The following SLC12A5 variants were observed in gnomAD, a reference collection of about 807,000 sequenced individuals.
SLC12A5 encodes the protein K-Cl cotransporter 2.
A neutral mutation model predicts 124.0 loss-of-function variants in SLC12A5; 18 were observed. The ratio of observed to expected loss-of-function variants is 0.15; its 90% CI spans 0.10 to 0.22. SLC12A5 has a LOEUF of 0.22. SLC12A5 is among the 10% of genes least tolerant of loss of function. The probability of loss-of-function intolerance (pLI) is 1.00; values close to 1 mark genes in which losing one functional copy is unlikely to be tolerated. For synonymous variants in SLC12A5, 589 were observed against 568.0 expected (o/e 1.04, Z -0.53); for missense variants, 867 against 1,478.7 (o/e 0.59, Z 6.78).
In SLC12A5 at chr20:46,045,828, G is replaced by A; in HGVS notation, c.1570-50G>A. On this transcript the variant is annotated intron_variant, in intron 12 of 25. Coordinates refer to ENST00000243964, the MANE Select transcript of SLC12A5 (RefSeq NM_020708.5). The surrounding 1 kb of genome is among the most constrained non-coding windows in gnomAD (Gnocchi z 4.9). ...CTGGTTCCCGAGGCTAGGGGAGAGG[G>A]CTGAGAAATCCTTGAGGTCTCAGTC... 1 of 1,500,142 alleles carries A rather than the reference G, an allele frequency of 6.7e-7. No individual in the cohort carries two copies. The highest frequency in any genetic ancestry group is 1.7e-4 in the Middle Eastern group (1 of 5,836). 92.9% of individuals were successfully genotyped at this position (1,500,142 alleles called of 1,614,324 possible). A position where few individuals can be genotyped will look rare whatever the true frequency, so the allele number is the denominator to read the frequency against.
At position 46,045,202 on chromosome 20, in the gene SLC12A5, C is replaced by T. The variant is rs1419187997; in HGVS notation, c.1569+62C>T. 2.7e-6 allele frequency: 4 copies of T among 1,503,566 alleles called. No homozygotes were observed. The highest frequency in any genetic ancestry group is 3.5e-6 in the Non-Finnish European group (4 of 1,130,032). 93.1% of individuals were successfully genotyped at this position (1,503,566 alleles called of 1,614,324 possible). ...CCAGCCAGGCCCCTGCCCAGAGAGA[C>T]CACACAGTGACCCAGGGCCATAACC... On this transcript the variant is annotated intron_variant, in intron 12 of 25. Transcript: ENST00000243964. This position sits in a 1 kb window ranked among gnomAD's most constrained non-coding sequence, Gnocchi z 4.9.
At position 46,035,034 on chromosome 20, in the gene SLC12A5, T is replaced by C; in HGVS notation, c.139T>C (p.Leu47=). Residue 47 remains leucine (L), a synonymous_variant, in exon 2 of 26, where the codon TTG becomes CTG. Coordinates refer to ENST00000243964, the MANE Select transcript of SLC12A5 (RefSeq NM_020708.5). ...GKEYDGKNMA[L]FEEEMDTSPM... ...GGAGTATGATGGCAAGAACATGGCC[T>C]TGTTTGAGGTGGGCTGCTAGGGCTG... 3 of 1,613,886 alleles carry C rather than the reference T, an allele frequency of 1.9e-6. No homozygotes were observed. The highest frequency in any genetic ancestry group is 1.1e-5 in the South Asian group (1 of 91,068).
chr20:46,043,089 C>A, intron 8 of SLC12A5, 64 bp from the exon 9 acceptor site: 1 of 1,557,680 alleles, frequency 6.4e-7, no homozygotes, highest in Non-Finnish European at 8.7e-7. Flanking sequence ...CCTCCCACCT[C>A]CTGGTCCCAG....
chr20:46,022,940 G>A, exon 2 of SLC12A5: 1 of 366,498 alleles, frequency 2.7e-6, no homozygotes, highest in Non-Finnish European at 4.6e-6. Flanking sequence ...TGGCCCCAGC[G>A]AGGGGAGGAG....
intron 6 of SLC12A5, among the ~76,000 whole-genome samples, chr20:46,039,348 C>T (rs575982856): frequency 1.7e-4 from 26 of 152,272 alleles, no homozygotes; most frequent in African/African-American, 5.3e-4. Flanking sequence ...CACATACAGA[C>T]GTATACTAAT....
In SLC12A5 at chr20:46,053,561, C is replaced by A; in HGVS notation, c.2548-17C>A. The A allele has an allele frequency of 6.2e-7, 1 of 1,613,148 alleles. No individual in the cohort carries two copies. The highest frequency in any genetic ancestry group is 1.1e-5 in the South Asian group (1 of 91,074). ...CATCTGGGCTGGACCTTTCTGAATC[C>A]CCTTCATCGCCTGCAGGTCTGGCGG... On this transcript the variant is annotated splice_polypyrimidine_tract_variant and intron_variant, in intron 19 of 25. Transcript: ENST00000243964. The surrounding 1 kb of genome is among the most constrained non-coding windows in gnomAD (Gnocchi z 4.7).
At position 46,057,165 on chromosome 20, in the gene SLC12A5, C is replaced by T. The variant is rs757119842; in HGVS notation, c.3126-5C>T. 2 of 1,613,978 alleles carry T rather than the reference C, an allele frequency of 1.2e-6. No individual in the cohort carries two copies. Among genetic ancestry groups the T allele is most frequent in the South Asian group, 2.2e-5 (2 of 91,072 alleles). ...CGCGGTCTCCACTCCTCCTTCCTGC[C>T]GCAGGAACCAGTCCAACGTGCGGCG... On this transcript the variant is annotated splice_region_variant and splice_polypyrimidine_tract_variant and intron_variant, in intron 24 of 25. Transcript: ENST00000243964. This position sits in a 1 kb window ranked among gnomAD's most constrained non-coding sequence, Gnocchi z 7.1.
At position 46,051,730 on chromosome 20, in the gene SLC12A5, T is replaced by A. The variant is rs768554953; in HGVS notation, c.2237T>A (p.Ile746Asn). The change falls in exon 18 of 26, where the codon ATC becomes AAC. Residue 746 changes from isoleucine to asparagine, a missense_variant. Transcript: ENST00000243964. ...EKVKGFCQVVISSNLRDGVSH... is the reference protein window; with the variant it reads ...EKVKGFCQVVNSSNLRDGVSH... ...GTGAAGGGCTTCTGCCAGGTGGTGA[T>A]CTCCTCCAACTTGCGTGATGGCGTG... 1 of 1,609,702 alleles carries A rather than the reference T, an allele frequency of 6.2e-7. No homozygotes were observed. Among genetic ancestry groups the A allele is most frequent in the Non-Finnish European group, 8.5e-7 (1 of 1,177,958 alleles).
At chr20:46,029,073 T>A, upstream of SLC12A5, 4 of 1,259,904 alleles carry the variant, frequency 3.2e-6, no homozygotes, top group Non-Finnish European at 4.1e-6. Flanking sequence ...TCTCTCTCCC[T>A]CCCGCTCTCC....
rs1478278584 is a variant in SLC12A5, at chr20:46,056,442, A to G, written c.2988A>G (p.Glu996=). The G allele has an allele frequency of 1.2e-6, 2 of 1,614,070 alleles. No homozygotes were observed. The highest frequency in any genetic ancestry group is 1.7e-6 in the Non-Finnish European group (2 of 1,179,954). ...CCCCAGGGGAGGAGCCTGAGGGGGA[A>G]GGGGAGACAGATCCGGAGAAGGTGC... ...SPSPGEEPEG[E]GETDPEKVHL... The change falls in exon 23 of 26, where the codon GAA becomes GAG. Residue 996 remains glutamate (E), a synonymous_variant. Transcript: ENST00000243964. The surrounding 1 kb of genome is among the most constrained non-coding windows in gnomAD (Gnocchi z 4.3).
In SLC12A5 at chr20:46,045,812, G is replaced by C; in HGVS notation, c.1570-66G>C. The stretch of plus-strand genomic sequence containing the variant: ...TCCTGCCTCTACTCCACTGGTTCCC[G>C]AGGCTAGGGGAGAGGGCTGAGAAAT... On this transcript the variant is annotated intron_variant, in intron 12 of 25. Transcript: ENST00000243964. This position sits in a 1 kb window ranked among gnomAD's most constrained non-coding sequence, Gnocchi z 4.9. 1 of 1,345,062 alleles carries C rather than the reference G, an allele frequency of 7.4e-7. No individual in the cohort carries two copies. The highest frequency in any genetic ancestry group is 1.1e-6 in the Non-Finnish European group (1 of 948,418). The allele number at this position is 1,345,062 out of a possible 1,614,324, so 83.3% of individuals were successfully genotyped here.
chr20:46,049,650 G>A lies in SLC12A5; in HGVS notation c.2041G>A (p.Asp681Asn), dbSNP rs753266125. 2 of 1,605,860 alleles carry A rather than the reference G, an allele frequency of 1.2e-6. No homozygotes were observed. The highest frequency in any genetic ancestry group is 1.7e-6 in the Non-Finnish European group (2 of 1,176,448). ...ACAGCTGCTGGTGCTGGTGCGTGTG[G>A]ACCAAGACCAGAATGTGGTGCACCC... ...RPQLLVLVRV[D>N]QDQNVVHPQL... The change falls in exon 17 of 26, where the codon GAC becomes AAC. Residue 681 changes from aspartate (D) to asparagine (N), a missense_variant. Around this residue, in one of 9 missense-constraint regions of SLC12A5, gnomAD observed 38 missense variants for 36.2 expected, o/e 1.05. Coordinates refer to ENST00000243964, the MANE Select transcript of SLC12A5 (RefSeq NM_020708.5).
Position 46,041,453 on chromosome 20 carries a change from C to T in SLC12A5, c.979C>T (p.Leu327Phe). Residue 327 changes from leucine (L) to phenylalanine (F), a missense_variant, in exon 8 of 26, where the codon CTC becomes TTC. Leu to Phe is a conservative substitution (Grantham distance 22, BLOSUM62 0). This residue lies in a region of SLC12A5 where 127 missense variants were observed against 164.1 expected (regional missense o/e 0.77). Transcript: ENST00000243964. ...GGGCCTTTTCTGCTCCTCTCGCTTC[C>T]TCAACGCCACCTGTGATGAATACTT... ...LWGLFCSSRF[L>F]NATCDEYFTR... is the part of the protein sequence containing the mutation. The T allele has an allele frequency of 6.2e-7, 1 of 1,614,136 alleles. No homozygotes were observed.
In SLC12A5 at chr20:46,035,791, C is replaced by T. The variant is rs1364848856; in HGVS notation, c.294C>T (p.Gly98=). The change falls in exon 4 of 26, where the codon GGC becomes GGT. Residue 98 remains glycine, a synonymous_variant. Transcript: ENST00000243964. ...CTCCCTGGCAGGCCCCACGCATGGG[C>T]ACCTTCATGGGCGTGTACCTGCCGT... ...KKKPVQAPRM[G]TFMGVYLPCL... 6 of 1,613,216 alleles carry T rather than the reference C, an allele frequency of 3.7e-6. No individual in the cohort carries two copies. Among genetic ancestry groups the T allele is most frequent in the Non-Finnish European group, 5.1e-6 (6 of 1,179,410 alleles).
At position 46,029,316 on chromosome 20, in the gene SLC12A5, A is replaced by G; in HGVS notation, c.-29A>G. ...GGGGCGCGGGCGAGGCGGCGCAGCC[A>G]TCCCCGGACCAGGGGCCGCGCCGCC... On this transcript the variant is annotated 5_prime_UTR_variant, in exon 1 of 26. Coordinates refer to ENST00000243964, the MANE Select transcript of SLC12A5 (RefSeq NM_020708.5). 1 of 1,502,134 alleles carries G rather than the reference A, an allele frequency of 6.7e-7. No homozygotes were observed. Among genetic ancestry groups the G allele is most frequent in the Non-Finnish European group, 8.9e-7 (1 of 1,122,060 alleles). The allele number at this position is 1,502,134 out of a possible 1,614,324, so 93.1% of individuals were successfully genotyped here.
rs770835786 is a variant in SLC12A5, at chr20:46,060,010, T to C, written c.*2405T>C. ...GCCTCAGTATTGATCTTGTGTTCTT[T>C]GTGCCAATATGAAAAGGAGAGGGTT... On this transcript the variant is annotated 3_prime_UTR_variant, in exon 26 of 26. Coordinates refer to ENST00000243964, the MANE Select transcript of SLC12A5 (RefSeq NM_020708.5). The C allele has an allele frequency of 1.1e-5, 2 of 187,448 alleles. No individual in the cohort carries two copies. The highest frequency in any genetic ancestry group is 2.2e-5 in the Non-Finnish European group (2 of 91,360). 11.6% of individuals were successfully genotyped at this position (187,448 alleles called of 1,614,324 possible).
chr20:46,051,898 A>C, intron 18 of SLC12A5, 28 bp downstream of exon 18: 6 of 434,536 alleles, frequency 1.4e-5, no homozygotes, highest in Non-Finnish European at 2.4e-5. Context: ...TGGGGACAGA[A>C]GAGGGGTGGG....
In SLC12A5 at chr20:46,053,435, C is replaced by A; in HGVS notation, c.2548-143C>A. On this transcript the variant is annotated intron_variant, in intron 19 of 25. Coordinates refer to ENST00000243964, the MANE Select transcript of SLC12A5 (RefSeq NM_020708.5). The surrounding 1 kb of genome is among the most constrained non-coding windows in gnomAD (Gnocchi z 4.7). ...GCAGGGAAGGTTTTGTAGAGAGTGG[C>A]CCCAAAGACAGAGGATTTGGGGTCT... 1.7e-6 allele frequency: 2 copies of A among 1,169,870 alleles called. No individual in the cohort carries two copies. The highest frequency in any genetic ancestry group is 2.4e-6 in the Non-Finnish European group (2 of 824,208). 72.5% of individuals were successfully genotyped at this position (1,169,870 alleles called of 1,614,324 possible). A position where few individuals can be genotyped will look rare whatever the true frequency, so the allele number is the denominator to read the frequency against.
intron 13 of SLC12A5, 125 bp from the exon 14 acceptor site, chr20:46,046,213 C>T: frequency 2.2e-6 from 2 of 923,430 alleles, no homozygotes; most frequent in South Asian, 1.5e-5. Context: ...TTCCTAAGCA[C>T]CACAGCATGA....
Sources: allele counts gnomAD v4.1 joint callset (sites outside exome capture counted in the v4.1 genomes callset), GRCh38; gene constraint gnomAD v4.1.1; regional missense constraint gnomAD v4.1.1; non-coding constraint Gnocchi (gnomAD v3.1); transcripts MANE v1.5; gene names NCBI Gene and HGNC (gene_info 2026-07-23, HGNC 2026-07-21).